Variants in ADGRL3 observed in about 807,000 individuals in gnomAD.
ADGRL3 encodes the protein adhesion G protein-coupled receptor L3.
A neutral mutation model predicts 153.5 loss-of-function variants in ADGRL3; 62 were observed. That is an observed-to-expected ratio of 0.40 (90% CI 0.33 to 0.50). The LOEUF (loss-of-function observed/expected upper bound fraction) is 0.50. Ranked by LOEUF, ADGRL3 falls within the 20% of genes least tolerant of loss-of-function variation. The pLI is 0.47. For synonymous variants in ADGRL3, 710 were observed against 672.5 expected, an observed-to-expected ratio of 1.06 and a Z score of -0.86; for missense variants, 1,641 against 1,859.4, an observed-to-expected ratio of 0.88 and a Z score of 2.16.
intron 5 of ADGRL3, among the ~76,000 whole-genome samples, chr4:61,675,337 C>T (rs2095149866): frequency 6.6e-6 from 1 of 151,724 alleles, no homozygotes; most frequent in African/African-American, 2.4e-5. Flanking sequence ...TAAACAAGAA[C>T]ATAAAACACA....
chr4:61,408,161 C>T (rs952743810), intron 2 of ADGRL3, among the ~76,000 whole-genome samples: 1 of 152,040 alleles, frequency 6.6e-6, no homozygotes, highest in African/African-American at 2.4e-5. Context: ...TCAGGGAAAT[C>T]TCACCAGAAT....
chr4:61,839,474 G>C (rs763748846), intron 9 of ADGRL3, among the ~76,000 whole-genome samples: 1 of 152,028 alleles, frequency 6.6e-6, no homozygotes, highest in Non-Finnish European at 1.5e-5. Context: ...AGAATTTCAG[G>C]AATGAGCCAC....
intron 9 of ADGRL3, among the ~76,000 whole-genome samples, chr4:61,857,988 A>G (rs1258020571): frequency 6.6e-6 from 1 of 152,234 alleles, no homozygotes; most frequent in African/African-American, 2.4e-5. Context: ...AATCATTGGG[A>G]ACTTGATCAT....
At chr4:61,585,038 C>G (rs1378938491) in intron 4 of ADGRL3, among the ~76,000 whole-genome samples, 1 of 151,924 alleles carries the variant, frequency 6.6e-6, no homozygotes, top group Non-Finnish European at 1.5e-5. Context: ...AGTGTTGACA[C>G]AAGAACAAAC....
In ADGRL3 at chr4:61,983,431, G is replaced by A; in HGVS notation, c.3064G>A (p.Ala1022Thr). 1 of 1,613,820 alleles carries A rather than the reference G, an allele frequency of 6.2e-7. No homozygotes were observed. Among genetic ancestry groups the A allele is most frequent in the Middle Eastern group, 1.7e-4 (1 of 6,058 alleles). ...CCTGTTACATTTCTTCTTCTTGGCT[G>A]CCTTCACCTGGATGTTCCTGGAGGG... Reference protein sequence around the residue: ...AALLHFFFLAAFTWMFLEGVQ... With the variant: ...AALLHFFFLATFTWMFLEGVQ... The change falls in exon 19 of 27, where the codon GCC (alanine) becomes ACC (threonine). Residue 1022 changes from alanine (A) to threonine (T), a missense_variant. Physicochemically the swap from Ala to Thr is moderately conservative, Grantham distance 58. Transcript: ENST00000683033.
At chr4:61,976,862 C>T (rs1196359334) in intron 17 of ADGRL3, among the ~76,000 whole-genome samples, 2 of 152,088 alleles carry the variant, frequency 1.3e-5, no homozygotes, top group African/African-American at 2.4e-5. Flanking sequence ...TGAGAATGGA[C>T]TAATGCACCA....
rs61671331 is a variant in ADGRL3, at chr4:61,775,402, T to TTGTGTG, written c.1400-38382_1400-38377dup. Reference sequence around the variant, plus strand: ...CTAAAATTTTCTTTTTTTTCTTTCTTTGTGTGTGTGTGTGTGTGTGTGTGT... The same window carrying TTGTGTG: ...CTAAAATTTTCTTTTTTTTCTTTCTTTGTGTGTGTGTGTGTGTGTGTGTGTGTGTGT... On this transcript the variant is annotated intron_variant, in intron 8 of 26. Coordinates refer to ENST00000683033, the MANE Select transcript of ADGRL3 (RefSeq NM_001387552.1). 6.2e-3 allele frequency: 2,833 copies of TTGTGTG among 453,886 alleles called. 52 individuals carry two copies. The highest frequency in any genetic ancestry group is 0.041 in the African/African-American group (1,954 of 47,278). The allele number at this position is 453,886 out of a possible 1,614,324, so 28.1% of individuals were successfully genotyped here.
intron 1 of ADGRL3, among the ~76,000 whole-genome samples, chr4:61,230,117 T>G (rs1419172038): frequency 1.3e-5 from 2 of 152,094 alleles, no homozygotes; most frequent in Non-Finnish European, 2.9e-5. Context: ...GGAAAGCAAG[T>G]AATTTTAAAA....
chr4:61,725,551 C>T (rs558914195), intron 6 of ADGRL3, among the ~76,000 whole-genome samples: 151 of 149,984 alleles, frequency 1.0e-3, no homozygotes, highest in African/African-American at 3.4e-3. Context: ...GCCAAGATTG[C>T]GCCATTGCAC....
intron 6 of ADGRL3, among the ~76,000 whole-genome samples, chr4:61,723,584 A>G (rs1448207078): frequency 2.0e-5 from 3 of 152,020 alleles, no homozygotes; most frequent in Non-Finnish European, 2.9e-5. Flanking sequence ...GTAGCCAGTG[A>G]AAAAAACTGG....
At chr4:61,516,605 ATTGTC>A (rs2098497138) in intron 3 of ADGRL3, among the ~76,000 whole-genome samples, 1 of 151,724 alleles carries the variant, frequency 6.6e-6, no homozygotes, top group Non-Finnish European at 1.5e-5. Context: ...TTTTTTCATT[ATTGTC>A]TTGGTCTTTC....
intron 15 of ADGRL3, among the ~76,000 whole-genome samples, chr4:61,941,357 A>G (rs1581563870): frequency 1.0e-5 from 1 of 97,696 alleles, no homozygotes; most frequent in East Asian, 4.8e-4. Flanking sequence ...GTTTGAAGTC[A>G]GGTAGTGTGA....
At position 62,034,229 on chromosome 4, in the gene ADGRL3, G is replaced by A. The variant is rs190750897; in HGVS notation, c.3591+2619G>A. Among the ~76,000 whole-genome samples the A allele has an allele frequency of 9.2e-5, 14 of 151,890 alleles. No homozygotes were observed. The East Asian group carries it at 2.7e-3, about 29-fold the overall frequency. On this transcript the variant is annotated intron_variant, in intron 23 of 26. Coordinates refer to ENST00000683033, the MANE Select transcript of ADGRL3 (RefSeq NM_001387552.1). ...TGCCTTTTATTTTTACAGCCAGGAA[G>A]TCAGGAATGGTTACTACATTTTCAA...
intron 5 of ADGRL3, among the ~76,000 whole-genome samples, chr4:61,615,285 A>G (rs939899232): frequency 2.0e-5 from 3 of 152,130 alleles, no homozygotes; most frequent in African/African-American, 4.8e-5. Flanking sequence ...TGGGCTTTAC[A>G]TAAAAAGAGT....
At chr4:61,345,530 AAC>A (rs2095882762) in intron 1 of ADGRL3, among the ~76,000 whole-genome samples, 2 of 152,116 alleles carry the variant, frequency 1.3e-5, no homozygotes, top group African/African-American at 4.8e-5. Flanking sequence ...AACTCATGTT[AAC>A]TTAATAGCAA....
chr4:62,068,053 C>A, intron 25 of ADGRL3, 113 bp from the exon 26 acceptor site: 1 of 600,780 alleles, frequency 1.7e-6, no homozygotes, highest in East Asian at 2.9e-5. Flanking sequence ...AAATTATTTC[C>A]TTTGACTCTT....
intron 9 of ADGRL3, among the ~76,000 whole-genome samples, chr4:61,855,511 A>G (rs1373154246): frequency 6.6e-6 from 1 of 152,184 alleles, no homozygotes; most frequent in Non-Finnish European, 1.5e-5. Context: ...CTATAGATAA[A>G]TAATATTGAT....
chr4:61,268,191 G>A (rs1324064195), intron 1 of ADGRL3, among the ~76,000 whole-genome samples: 1 of 151,422 alleles, frequency 6.6e-6, no homozygotes, highest in Non-Finnish European at 1.5e-5. Context: ...GTAACTTGGG[G>A]GGAAATTTCT....
intron 5 of ADGRL3, among the ~76,000 whole-genome samples, chr4:61,647,442 T>G (rs1376780136): frequency 6.6e-6 from 1 of 152,164 alleles, no homozygotes; most frequent in African/African-American, 2.4e-5. Context: ...AGTACCTGTT[T>G]TTTCACACAT....
Sources: gnomAD v4.1 joint callset for allele counts (sites outside exome capture counted in the v4.1 genomes callset) on GRCh38, gnomAD v4.1.1 for gene constraint, MANE v1.5 for transcripts, NCBI Gene and HGNC (gene_info 2026-07-23, HGNC 2026-07-21) for gene names.